RNF2: variants seen among roughly 807,000 people sequenced by gnomAD.
RNF2 encodes E3 ubiquitin-protein ligase RING2.
RNF2 carries 6 observed loss-of-function variants against 37.2 expected under a neutral mutation model. That is an observed-to-expected ratio of 0.16 (90% CI 0.09 to 0.32). RNF2 has a LOEUF of 0.32. RNF2 is among the 10% of genes least tolerant of loss of function. RNF2 has a pLI of 1.00. For synonymous variants in RNF2, 133 were observed against 132.7 expected (o/e 1.00, Z -0.02); for missense variants, 251 against 404.0 (o/e 0.62, Z 3.25).
At chr1:185,068,529 A>G (rs1650867906) in intron 1 of RNF2, among the ~76,000 whole-genome samples, 1 of 152,306 alleles carries the variant, frequency 6.6e-6, no homozygotes, top group Admixed American at 6.5e-5. Flanking sequence ...GATTGGAGTG[A>G]TATGGTCACA....
intron 1 of RNF2, among the ~76,000 whole-genome samples, chr1:185,084,597 G>C (rs1205703671): frequency 6.6e-6 from 1 of 152,124 alleles, no homozygotes; most frequent in Non-Finnish European, 1.5e-5. Context: ...AAAGGCCATT[G>C]CATATTTGGT....
chr1:185,077,298 C>A (rs532610681), intron 1 of RNF2, among the ~76,000 whole-genome samples: 2 of 152,100 alleles, frequency 1.3e-5, no homozygotes, highest in South Asian at 2.1e-4. Context: ...CCTCCTCCCC[C>A]CTCCCTCCTA....
chr1:185,060,167 A>C (rs1217588817), intron 1 of RNF2, among the ~76,000 whole-genome samples: 3 of 152,268 alleles, frequency 2.0e-5, no homozygotes, highest in Non-Finnish European at 4.4e-5. Context: ...ACTAAGAGTC[A>C]GTAGTTAGAC....
intron 1 of RNF2, among the ~76,000 whole-genome samples, chr1:185,051,488 T>C (rs896967019): frequency 1.3e-5 from 2 of 152,216 alleles, no homozygotes; most frequent in African/African-American, 4.8e-5. Flanking sequence ...TAAAGCGGTC[T>C]TTGTAAAGAG....
intron 2 of RNF2, among the ~76,000 whole-genome samples, chr1:185,089,587 T>TTA (rs897560391): frequency 4.6e-5 from 7 of 152,138 alleles, no homozygotes; most frequent in East Asian, 3.9e-4. Context: ...GATATGATAA[T>TTA]TATATATATA....
intron 1 of RNF2, among the ~76,000 whole-genome samples, chr1:185,051,298 A>C (rs1369678763): frequency 6.6e-6 from 1 of 152,198 alleles, no homozygotes; most frequent in Non-Finnish European, 1.5e-5. Context: ...CAGAAGGGGT[A>C]GTATTGTGTA....
chr1:185,094,449 G>A (rs577922188), intron 4 of RNF2, among the ~76,000 whole-genome samples: 40 of 151,954 alleles, frequency 2.6e-4, no homozygotes, highest in Admixed American at 1.3e-4. Context: ...CCTTGGAGTC[G>A]CTTTTAAATC....
intron 1 of RNF2, among the ~76,000 whole-genome samples, chr1:185,063,086 A>G (rs1336056758): frequency 1.3e-5 from 2 of 152,232 alleles, no homozygotes; most frequent in Admixed American, 6.5e-5. Flanking sequence ...TGCCAAGGGT[A>G]ACTTCTTACT....
chr1:185,075,941 A>G (rs902897864), intron 1 of RNF2, among the ~76,000 whole-genome samples: 5 of 152,170 alleles, frequency 3.3e-5, no homozygotes, highest in Non-Finnish European at 7.4e-5. Context: ...TTTGCAATTT[A>G]CTGATTATTA....
chr1:185,100,170 T>A (rs1557977022), intron 6 of RNF2, 30 bp from the exon 7 acceptor site: 1 of 1,506,242 alleles, frequency 6.6e-7, no homozygotes, highest in Non-Finnish European at 9.0e-7. Flanking sequence ...TGTGCAGTTT[T>A]CATAATTTTT....
At chr1:185,060,263 A>G (rs1269580768) in intron 1 of RNF2, among the ~76,000 whole-genome samples, 1 of 152,152 alleles carries the variant, frequency 6.6e-6, no homozygotes, top group East Asian at 1.9e-4. Flanking sequence ...CATATCCCTC[A>G]CAAAGATACA....
chr1:185,059,454 ATAACT>A, intron 1 of RNF2, among the ~76,000 whole-genome samples: 1 of 152,354 alleles, frequency 6.6e-6, no homozygotes, highest in East Asian at 1.9e-4. Flanking sequence ...CTTCTAGAAC[ATAACT>A]TTTACGTAGC....
chr1:185,062,167 G>T (rs1650626244), intron 1 of RNF2, among the ~76,000 whole-genome samples: 1 of 152,142 alleles, frequency 6.6e-6, no homozygotes, highest in African/African-American at 2.4e-5. Flanking sequence ...TGTGACAGTT[G>T]TGTTGCTTTT....
At chr1:185,092,054 C>T (rs965015054) in intron 3 of RNF2, 1 of 204,738 alleles carries the variant, frequency 4.9e-6, no homozygotes, top group Non-Finnish European at 9.7e-6. Context: ...ATATTGAACT[C>T]CTGACCTCAG....
chr1:185,069,313 T>C (rs1277508676), intron 1 of RNF2, among the ~76,000 whole-genome samples: 1 of 151,902 alleles, frequency 6.6e-6, no homozygotes, highest in African/African-American at 2.4e-5. Flanking sequence ...AAAAACCAAC[T>C]TGGCATGGTG....
At chr1:185,076,638 C>T (rs1205800745) in intron 1 of RNF2, among the ~76,000 whole-genome samples, 2 of 150,822 alleles carry the variant, frequency 1.3e-5, no homozygotes, top group African/African-American at 4.9e-5. Context: ...TTAAAATTCA[C>T]TTATTTGTTT....
intron 1 of RNF2, among the ~76,000 whole-genome samples, chr1:185,087,115 A>G (rs530518204): frequency 2.0e-5 from 3 of 152,250 alleles, no homozygotes; most frequent in Non-Finnish European, 4.4e-5. Flanking sequence ...TTTTATTCTC[A>G]AGATTAACAA....
chr1:185,089,940 G>T (rs1651718687), intron 2 of RNF2, among the ~76,000 whole-genome samples: 1 of 150,598 alleles, frequency 6.6e-6, no homozygotes, highest in Non-Finnish European at 1.5e-5. Context: ...CTTTTTTTTT[G>T]AGACAGAGTA....
At chr1:185,045,847 A>G (rs1055239706) in intron 1 of RNF2, among the ~76,000 whole-genome samples, 198 bp downstream of exon 1, 1 of 151,854 alleles carries the variant, frequency 6.6e-6, no homozygotes, top group Admixed American at 6.5e-5. Flanking sequence ...GCGGGTTCTC[A>G]TTGTTCCCGT....
Sources: gnomAD v4.1 joint callset for allele counts (sites outside exome capture counted in the v4.1 genomes callset) on GRCh38, gnomAD v4.1.1 for gene constraint, MANE v1.5 for transcripts, NCBI Gene and HGNC (gene_info 2026-07-23, HGNC 2026-07-21) for gene names.